The following SEMA4F variants were observed in gnomAD, a reference collection of about 807,000 sequenced individuals.
The protein encoded by SEMA4F is ssemaphorin 4F, also known as semaphorin-4F.
In SEMA4F, 51 loss-of-function variants were observed where a neutral mutation model predicts 78.4. The observed-to-expected ratio is 0.65, with a 90% CI of 0.52 to 0.82. The LOEUF (loss-of-function observed/expected upper bound fraction) is 0.82. Ranked by LOEUF, SEMA4F falls within the 40% of genes least tolerant of loss-of-function variation. The pLI is 0.00. For missense variants in SEMA4F, 938 were observed against 1,014.4 expected (o/e 0.92, Z 1.02); for synonymous variants, 418 against 408.7 (o/e 1.02, Z -0.27).
intron 5 of SEMA4F, among the ~76,000 whole-genome samples, chr2:74,666,649 G>A (rs751723609): frequency 3.3e-5 from 5 of 152,158 alleles, no homozygotes; most frequent in Admixed American, 6.5e-5. Context: ...ATAAGTGCTA[G>A]CATTTACTTG....
At chr2:74,667,658 T>C (rs1684764575) in intron 5 of SEMA4F, among the ~76,000 whole-genome samples, 1 of 152,258 alleles carries the variant, frequency 6.6e-6, no homozygotes, top group Non-Finnish European at 1.5e-5. Context: ...TCTCATTGTC[T>C]TTATTTGCAC....
downstream of SEMA4F, among the ~76,000 whole-genome samples, chr2:74,687,687 C>G (rs1037664061): frequency 1.3e-5 from 2 of 152,220 alleles, no homozygotes; most frequent in Admixed American, 6.5e-5. Context: ...TCCTGTGGTT[C>G]TGCAGTACCA....
At chr2:74,664,999 G>A (rs1356728551) in intron 5 of SEMA4F, among the ~76,000 whole-genome samples, 3 of 151,942 alleles carry the variant, frequency 2.0e-5, no homozygotes, top group Non-Finnish European at 2.9e-5. Context: ...ATTTTTCCCA[G>A]CTAGCTAATC....
the SEMA4F span, among the ~76,000 whole-genome samples, chr2:74,699,516 C>G: frequency 1.1e-4 from 17 of 152,190 alleles, no homozygotes; most frequent in African/African-American, 4.1e-4. Context: ...GATAAATAAT[C>G]TGACATTCAG....
At chr2:74,667,685 A>C (rs567735431) in intron 5 of SEMA4F, among the ~76,000 whole-genome samples, 35 of 152,338 alleles carry the variant, frequency 2.3e-4, no homozygotes, top group African/African-American at 7.9e-4. Context: ...AATTTGGAAA[A>C]ATATGAATAT....
rs1454209059 is a variant in SEMA4F, at chr2:74,654,310, C to A, written c.-67C>A. On this transcript the variant is annotated 5_prime_UTR_variant, in exon 1 of 14. Coordinates refer to ENST00000357877, the MANE Select transcript of SEMA4F (RefSeq NM_004263.5). ...GAGAGGACCCGAGTGGGGCCGAGGC[C>A]AGTAGCCCCGGGGCCCTGAGCAGAG... is the stretch of plus-strand genomic sequence containing the variant. 25 of 1,375,344 alleles carry A rather than the reference C, an allele frequency of 1.8e-5. No individual in the cohort carries two copies. The highest frequency in any genetic ancestry group is 2.3e-5 in the Non-Finnish European group (25 of 1,070,640). The allele number at this position is 1,375,344 out of a possible 1,614,324, so 85.2% of individuals were successfully genotyped here. A position where few individuals can be genotyped will look rare whatever the true frequency, so the allele number is the denominator to read the frequency against.
At chr2:74,679,438 A>G in intron 13 of SEMA4F, 104 bp downstream of exon 13, 1 of 1,463,514 alleles carries the variant, frequency 6.8e-7, no homozygotes, top group Non-Finnish European at 9.5e-7. Flanking sequence ...ATCCTGGAAG[A>G]TGTGGCAGCC....
chr2:74,662,696 TG>T, intron 4 of SEMA4F, 35 bp from the exon 5 acceptor site: 6 of 1,550,658 alleles, frequency 3.9e-6, no homozygotes, highest in Non-Finnish European at 5.3e-6. Context: ...ACCTTCCCTA[TG>T]ACCCCTAAAC....
chr2:74,657,285 A>G (rs534190165), intron 2 of SEMA4F, among the ~76,000 whole-genome samples: 1 of 152,378 alleles, frequency 6.6e-6, no homozygotes, highest in South Asian at 2.1e-4. Flanking sequence ...GTGGTACACA[A>G]TTATGTACTG....
intron 1 of SEMA4F, among the ~76,000 whole-genome samples, chr2:74,656,012 AT>A (rs35061970): frequency 3.3e-3 from 479 of 145,120 alleles, no homozygotes; most frequent in Middle Eastern, 7.4e-3. Context: ...TGAGGTTTAG[AT>A]TTTTTTTTTT....
chr2:74,660,309 G>T (rs1221015220), intron 4 of SEMA4F, among the ~76,000 whole-genome samples: 1 of 152,210 alleles, frequency 6.6e-6, no homozygotes, highest in Non-Finnish European at 1.5e-5. Context: ...TGTCCCTCTA[G>T]TCTAGCCTGC....
the SEMA4F span, among the ~76,000 whole-genome samples, chr2:74,696,299 G>A: frequency 2.0e-5 from 3 of 148,868 alleles, no homozygotes; most frequent in African/African-American, 7.5e-5. Context: ...AGGTTCAAGC[G>A]ATCCTCATGC....
chr2:74,686,104 T>C (rs1044573276), downstream of SEMA4F, among the ~76,000 whole-genome samples: 7 of 151,646 alleles, frequency 4.6e-5, no homozygotes, highest in Non-Finnish European at 7.4e-5. Flanking sequence ...GCTTTTTTTT[T>C]CTTTTTTTTT....
At chr2:74,679,248 G>A in intron 12 of SEMA4F, 28 bp from the exon 13 acceptor site, 1 of 1,571,024 alleles carries the variant, frequency 6.4e-7, no homozygotes, top group East Asian at 2.2e-5. Context: ...GTTCACACTG[G>A]ATTTACCAAG....
At chr2:74,678,554 T>A (rs1685412786) in intron 12 of SEMA4F, among the ~76,000 whole-genome samples, 1 of 152,238 alleles carries the variant, frequency 6.6e-6, no homozygotes, top group South Asian at 2.1e-4. Flanking sequence ...GCTTTTTGTG[T>A]TCAGACCTTT....
At chr2:74,666,380 G>A (rs939597041) in intron 5 of SEMA4F, among the ~76,000 whole-genome samples, 17 of 151,870 alleles carry the variant, frequency 1.1e-4, no homozygotes, top group Non-Finnish European at 2.9e-5. Context: ...ATAAGACAAA[G>A]TGGGAGGAAC....
intron 1 of SEMA4F, chr2:74,655,394 A>G (rs1402774936): frequency 7.1e-6 from 2 of 282,510 alleles, no homozygotes; most frequent in East Asian, 2.0e-4. Flanking sequence ...TGAGGTGGGT[A>G]TGAGCATGGC....
At chr2:74,693,206 A>T in the SEMA4F span, among the ~76,000 whole-genome samples, 1 of 152,250 alleles carries the variant, frequency 6.6e-6, no homozygotes, top group East Asian at 1.9e-4. Context: ...ATTCTATATC[A>T]TCATCCTGCA....
chr2:74,679,335 G>A lies in SEMA4F; in HGVS notation c.1702+1G>A, dbSNP rs1253866166. ...TCTTTGTGTCCTAAAGAGCCTGGAG[G>A]TCTGTATGGTCTGTATGGATTAGGG... On this transcript the variant is annotated splice_donor_variant, in intron 13 of 13. Coordinates refer to ENST00000357877, the MANE Select transcript of SEMA4F (RefSeq NM_004263.5). LOFTEE classifies it high-confidence loss of function. 1 of 1,607,088 alleles carries A rather than the reference G, an allele frequency of 6.2e-7. No homozygotes were observed. Among genetic ancestry groups the A allele is most frequent in the Non-Finnish European group, 8.5e-7 (1 of 1,173,694 alleles).
Sources: allele counts gnomAD v4.1 joint callset (sites outside exome capture counted in the v4.1 genomes callset), GRCh38; gene constraint gnomAD v4.1.1; transcripts MANE v1.5; gene names NCBI Gene and HGNC (gene_info 2026-07-23, HGNC 2026-07-21).